The following CDH18 variants were observed in gnomAD, a reference collection of about 807,000 sequenced individuals.
CDH18 encodes the protein cadherin 18, also known as cadherin-18.
Under a neutral mutation model 67.9 loss-of-function variants are expected in CDH18, and 31 were observed. That is an observed-to-expected ratio of 0.46 (90% CI 0.34 to 0.62). CDH18 has a LOEUF of 0.62. CDH18 is among the 20% of genes least tolerant of loss of function. The pLI, the probability that CDH18 is intolerant of heterozygous loss-of-function variation, is 0.01. For synonymous variants in CDH18, 362 were observed against 347.2 expected (o/e 1.04, Z -0.48); for missense variants, 890 against 975.5 (o/e 0.91, Z 1.17).
chr5:20,506,726 T>C (rs1754684383), intron 1 of CDH18, among the ~76,000 whole-genome samples: 1 of 152,246 alleles, frequency 6.6e-6, no homozygotes, highest in Admixed American at 6.5e-5. Context: ...TGTGGTAATA[T>C]TGTTACACAG....
chr5:19,536,916 C>A (rs1749506574), intron 9 of CDH18, among the ~76,000 whole-genome samples: 1 of 151,998 alleles, frequency 6.6e-6, no homozygotes, highest in Admixed American at 6.6e-5. Flanking sequence ...CGAGGTGATT[C>A]AAAAATATAA....
At chr5:20,144,121 A>G (rs1750456443) in intron 2 of CDH18, among the ~76,000 whole-genome samples, 1 of 152,160 alleles carries the variant, frequency 6.6e-6, no homozygotes, top group Admixed American at 6.6e-5. Context: ...CAGTGAAGGA[A>G]AAATGACTTT....
rs193262732 is a variant in CDH18, at chr5:19,763,113, G to C, written c.229-15877C>G. Among the ~76,000 whole-genome samples the C allele has an allele frequency of 3.3e-5, 5 of 152,240 alleles. No individual in the cohort carries two copies. In the East Asian group the frequency reaches 7.7e-4, roughly 24 times the overall value. On this transcript the variant is annotated intron_variant, in intron 3 of 12. Coordinates refer to ENST00000382275, the MANE Select transcript of CDH18 (RefSeq NM_004934.5). ...GGGCCTGTCATGGGGTCTGGGGATG[G>C]GGGAGGGATAGCATTAGGAGAAATA...
At chr5:19,599,608 A>G (rs1442174633) in intron 6 of CDH18, among the ~76,000 whole-genome samples, 1 of 152,180 alleles carries the variant, frequency 6.6e-6, no homozygotes, top group Non-Finnish European at 1.5e-5. Context: ...AGTGACTAAA[A>G]AAACACAGAG....
At chr5:19,596,077 G>A (rs1746118465) in intron 6 of CDH18, among the ~76,000 whole-genome samples, 1 of 152,166 alleles carries the variant, frequency 6.6e-6, no homozygotes. Flanking sequence ...AGGGTAGGCA[G>A]TTTTTCAAAC....
intron 2 of CDH18, among the ~76,000 whole-genome samples, chr5:19,858,085 T>A (rs149103145): frequency 6.6e-6 from 1 of 152,056 alleles, no homozygotes; most frequent in Non-Finnish European, 1.5e-5. Context: ...TATGATAATG[T>A]TAACTCAAAG....
intron 7 of CDH18, among the ~76,000 whole-genome samples, chr5:19,583,684 G>C (rs1341995445): frequency 6.6e-6 from 1 of 152,138 alleles, no homozygotes; most frequent in South Asian, 2.1e-4. Flanking sequence ...TATTGAGGTA[G>C]TAGTAATTAT....
At chr5:19,955,271 G>A (rs1421651048) in intron 2 of CDH18, among the ~76,000 whole-genome samples, 3 of 152,012 alleles carry the variant, frequency 2.0e-5, no homozygotes, top group Non-Finnish European at 4.4e-5. Flanking sequence ...TTTATTAGCA[G>A]TGTAAGAAAG....
intron 1 of CDH18, among the ~76,000 whole-genome samples, chr5:20,458,448 T>C (rs1419682903): frequency 1.3e-5 from 2 of 152,050 alleles, no homozygotes; most frequent in Non-Finnish European, 2.9e-5. Context: ...TGAGATCCTG[T>C]CTCTAGTGAA....
At chr5:19,715,743 A>ACTTCAGAT (rs1420282034) in intron 5 of CDH18, among the ~76,000 whole-genome samples, 38 of 151,928 alleles carry the variant, frequency 2.5e-4, no homozygotes, top group Non-Finnish European at 2.9e-5. Flanking sequence ...ATTTTTTACT[A>ACTTCAGAT]CTTCAGATAA....
At chr5:20,304,675 G>C in intron 1 of CDH18, 1 of 1,611,588 alleles carries the variant, frequency 6.2e-7, no homozygotes, top group Non-Finnish European at 8.5e-7. Flanking sequence ...TGATGGGTCC[G>C]TTTTCTTTTC....
intron 2 of CDH18, among the ~76,000 whole-genome samples, chr5:19,892,610 T>C (rs1490110189): frequency 1.3e-5 from 2 of 152,084 alleles, no homozygotes; most frequent in Non-Finnish European, 2.9e-5. Flanking sequence ...ATAAGAATAT[T>C]GTAGAAATCA....
In CDH18 at chr5:20,278,308, G is replaced by A. The variant is rs544436293; in HGVS notation, c.-579-22803C>T. Reference sequence around the variant, plus strand: ...ATAGGATGGATCTCCAACACACTTAGCAGCAGACCGTTTGGTGCAAATCTT... The same window carrying A: ...ATAGGATGGATCTCCAACACACTTAACAGCAGACCGTTTGGTGCAAATCTT... On this transcript the variant is annotated intron_variant, in intron 1 of 14. Coordinates refer to the CDH18 transcript ENST00000507958. Among the ~76,000 whole-genome samples the A allele has an allele frequency of 7.2e-5, 11 of 152,130 alleles. No homozygotes were observed. The South Asian group carries it at 1.9e-3, about 26-fold the overall frequency.
intron 1 of CDH18, among the ~76,000 whole-genome samples, chr5:20,560,800 T>C (rs2126645624): frequency 6.6e-6 from 1 of 152,148 alleles, no homozygotes; most frequent in South Asian, 2.1e-4. Context: ...AATTCTTAAG[T>C]TACATGCAAT....
At chr5:20,040,188 A>C (rs545706760) in intron 2 of CDH18, among the ~76,000 whole-genome samples, 3 of 152,274 alleles carry the variant, frequency 2.0e-5, no homozygotes, top group Non-Finnish European at 2.9e-5. Flanking sequence ...ATCATTAAAA[A>C]GTCAGGAAAC....
intron 8 of CDH18, among the ~76,000 whole-genome samples, chr5:19,570,379 G>A (rs1231593950): frequency 6.6e-6 from 1 of 152,074 alleles, no homozygotes; most frequent in East Asian, 1.9e-4. Flanking sequence ...TTCTATACTT[G>A]CAGATGGAGT....
intron 2 of CDH18, among the ~76,000 whole-genome samples, chr5:19,915,603 T>C (rs1791680337): frequency 6.6e-6 from 1 of 152,186 alleles, no homozygotes; most frequent in South Asian, 2.1e-4. Flanking sequence ...AGTAAGCTAT[T>C]GAAAGAAAAT....
chr5:20,339,752 G>C (rs988213473), intron 1 of CDH18, among the ~76,000 whole-genome samples: 1 of 152,060 alleles, frequency 6.6e-6, no homozygotes, highest in African/African-American at 2.4e-5. Flanking sequence ...AAATTAAGAG[G>C]GATCTTGGTA....
chr5:20,026,178 T>C (rs761505224), intron 2 of CDH18, among the ~76,000 whole-genome samples: 4 of 152,158 alleles, frequency 2.6e-5, no homozygotes, highest in African/African-American at 9.7e-5. Flanking sequence ...ACACATTGCC[T>C]TTCTGTTACA....
Sources: allele counts gnomAD v4.1 joint callset (sites outside exome capture counted in the v4.1 genomes callset), GRCh38; gene constraint gnomAD v4.1.1; transcripts MANE v1.5; gene names NCBI Gene and HGNC (gene_info 2026-07-23, HGNC 2026-07-21).